ARNT2: variants seen among roughly 807,000 people sequenced by gnomAD.
The protein encoded by ARNT2 is ARNT protein 2.
A neutral mutation model predicts 91.7 loss-of-function variants in ARNT2; 36 were observed. The ratio of observed to expected loss-of-function variants is 0.39; its 90% CI spans 0.30 to 0.52. The LOEUF (loss-of-function observed/expected upper bound fraction) is 0.52. ARNT2 is among the 20% of genes least tolerant of loss of function. The pLI is 0.72. For synonymous variants in ARNT2, 365 were observed against 347.1 expected (o/e 1.05, Z -0.57); for missense variants, 775 against 939.3 (o/e 0.83, Z 2.29).
intron 17 of ARNT2, among the ~76,000 whole-genome samples, chr15:80,588,022 C>T (rs1280817020): frequency 3.9e-5 from 6 of 152,122 alleles, no homozygotes; most frequent in African/African-American, 1.4e-4. Context: ...GGAGGGAGAT[C>T]ACGCCAGTAG....
In ARNT2 at chr15:80,596,039, T is replaced by C. The variant is rs912401256; in HGVS notation, c.*2341T>C. 2 of 152,212 alleles carry C rather than the reference T, an allele frequency of 1.3e-5. No homozygotes were observed. The highest frequency in any genetic ancestry group is 2.4e-5 in the African/African-American group (1 of 41,440). The allele number at this position is 152,212 out of a possible 1,614,324, so 9.4% of individuals were successfully genotyped here. On this transcript the variant is annotated 3_prime_UTR_variant, in exon 19 of 19. Transcript: ENST00000303329. The stretch of plus-strand genomic sequence containing the variant: ...CTGTTTCTTGGAGGAGAGTTGAGGC[T>C]TTTCTTAGGTGCATACACAGACCCA...
At chr15:80,409,568 C>T (rs1351111958) in intron 1 of ARNT2, among the ~76,000 whole-genome samples, 1 of 151,644 alleles carries the variant, frequency 6.6e-6, no homozygotes, top group Non-Finnish European at 1.5e-5. Context: ...CTACTATGTG[C>T]CGGGGACTGA....
chr15:80,546,869 A>C (rs1366677336), intron 8 of ARNT2, among the ~76,000 whole-genome samples: 4 of 151,944 alleles, frequency 2.6e-5, no homozygotes, highest in Non-Finnish European at 4.4e-5. Flanking sequence ...AGGCTGAGGC[A>C]GGAGAATCGC....
rs59533738 is a variant in ARNT2 at position 80,444,355 on chromosome 15, GGTGTGTGT to G, written c.32-6505_32-6498del. 1,078 of 150,566 alleles carry G rather than the reference GGTGTGTGT, an allele frequency of 7.2e-3. 6 individuals are homozygous for G. Among genetic ancestry groups the G allele is most frequent in the Non-Finnish European group, 0.011 (743 of 67,178 alleles). 9.3% of individuals were successfully genotyped at this position (150,566 alleles called of 1,614,324 possible). Reference sequence around the variant, plus strand: ...CGGTGTGTGTGGTTTGTGTGTACGTGGTGTGTGTGTGTGTGTGTGTGTGTGTGGTGTGA... The same window carrying G: ...CGGTGTGTGTGGTTTGTGTGTACGTGGTGTGTGTGTGTGTGTGTGGTGTGA... On this transcript the variant is annotated intron_variant, in intron 1 of 18. Coordinates refer to ENST00000303329, the MANE Select transcript of ARNT2 (RefSeq NM_014862.4).
rs771956822 is a variant in ARNT2 at position 80,593,666 on chromosome 15, G to A, written c.2122G>A (p.Asp708Asn). 2.5e-5 allele frequency: 40 copies of A among 1,606,552 alleles called. No individual in the cohort carries two copies. Among genetic ancestry groups the A allele is most frequent in the Non-Finnish European group, 3.2e-5 (38 of 1,175,752 alleles). Reference protein sequence around the residue: ...TGNYNIEDFADLGMFPPFSE With the variant: ...TGNYNIEDFANLGMFPPFSE ...CAACTATAACATCGAAGACTTTGCC[G>A]ACCTGGGCATGTTTCCACCGTTTTC... Residue 708 changes from aspartate (D) to asparagine (N), a missense_variant, in exon 19 of 19, where the codon GAC (aspartate) becomes AAC (asparagine). Transcript: ENST00000303329.
At chr15:80,576,081 A>C (rs1898668409) in intron 14 of ARNT2, among the ~76,000 whole-genome samples, 1 of 152,138 alleles carries the variant, frequency 6.6e-6, no homozygotes, top group Non-Finnish European at 1.5e-5. Flanking sequence ...TGGGAAACTG[A>C]GGCAGGGGAT....
At position 80,562,863 on chromosome 15, in the gene ARNT2, G is replaced by A. The variant is rs148100687; in HGVS notation, c.1165-225G>A. 866 of 623,038 alleles carry A rather than the reference G, an allele frequency of 1.4e-3. 1 individual carries two copies. The highest frequency in any genetic ancestry group is 2.5e-3 in the Admixed American group (98 of 39,116). The allele number at this position is 623,038 out of a possible 1,614,324, so 38.6% of individuals were successfully genotyped here. A position where few individuals can be genotyped will look rare whatever the true frequency, so the allele number is the denominator to read the frequency against. ...CATTGAGTGGTTGCTTTCTCATACC[G>A]TGGTTACAGAATGACCCAGATGCAG... On this transcript the variant is annotated intron_variant, in intron 11 of 18. Transcript: ENST00000303329.
At chr15:80,446,547 G>A (rs1053762381) in intron 1 of ARNT2, among the ~76,000 whole-genome samples, 1 of 152,198 alleles carries the variant, frequency 6.6e-6, no homozygotes, top group African/African-American at 2.4e-5. Context: ...CTCCGCCTGG[G>A]CACCACAAGG....
In ARNT2 at chr15:80,597,100, C is replaced by G. The variant is rs1222151707; in HGVS notation, c.*3402C>G. On this transcript the variant is annotated 3_prime_UTR_variant, in exon 19 of 19. Coordinates refer to ENST00000303329, the MANE Select transcript of ARNT2 (RefSeq NM_014862.4). Reference sequence around the variant, plus strand: ...ACTTACACTGGGGAGCTTTACTCTTCCGTGTCAACAATGTGACTACATGTT... The same window carrying G: ...ACTTACACTGGGGAGCTTTACTCTTGCGTGTCAACAATGTGACTACATGTT... 3 of 516,658 alleles carry G rather than the reference C, an allele frequency of 5.8e-6. No individual in the cohort carries two copies. Among genetic ancestry groups the G allele is most frequent in the Non-Finnish European group, 1.2e-5 (3 of 258,388 alleles). The allele number at this position is 516,658 out of a possible 1,614,324, so 32.0% of individuals were successfully genotyped here.
At chr15:80,457,903 G>A (rs2141385392) in intron 2 of ARNT2, 26 bp from the exon 3 acceptor site, 1 of 1,613,530 alleles carries the variant, frequency 6.2e-7, no homozygotes, top group East Asian at 2.2e-5. Flanking sequence ...AATAATCAGT[G>A]CTCACTTGTG....
chr15:80,425,913 A>G (rs1245529349), intron 1 of ARNT2, among the ~76,000 whole-genome samples: 1 of 152,148 alleles, frequency 6.6e-6, no homozygotes, highest in Admixed American at 6.6e-5. Context: ...TTAGCTGGGC[A>G]TGGTGGTTCA....
At chr15:80,452,723 A>C (rs950678396) in intron 2 of ARNT2, among the ~76,000 whole-genome samples, 1 of 152,146 alleles carries the variant, frequency 6.6e-6, no homozygotes, top group Non-Finnish European at 1.5e-5. Flanking sequence ...GGCCCAGCCT[A>C]GTACTTACAG....
At chr15:80,520,662 C>T (rs545627094) in intron 8 of ARNT2, among the ~76,000 whole-genome samples, 18 of 152,092 alleles carry the variant, frequency 1.2e-4, no homozygotes, top group African/African-American at 4.1e-4. Flanking sequence ...GAGATGATAA[C>T]GTGAGTGTAT....
At position 80,597,219 on chromosome 15, in the gene ARNT2, C is replaced by A. The variant is rs902365883; in HGVS notation, c.*3521C>A. ...GGGAATGAATGGTGGTCTCCCCACT[C>A]CCGGCAGCACTTTAGGCAGCCCATA... On this transcript the variant is annotated 3_prime_UTR_variant, in exon 19 of 19. Coordinates refer to ENST00000303329, the MANE Select transcript of ARNT2 (RefSeq NM_014862.4). 1 of 518,376 alleles carries A rather than the reference C, an allele frequency of 1.9e-6. No homozygotes were observed. Among genetic ancestry groups the A allele is most frequent in the African/African-American group, 1.9e-5 (1 of 51,806 alleles). 32.1% of individuals were successfully genotyped at this position (518,376 alleles called of 1,614,324 possible).
At chr15:80,514,963 G>A (rs907967837) in intron 8 of ARNT2, among the ~76,000 whole-genome samples, 11 of 152,288 alleles carry the variant, frequency 7.2e-5, no homozygotes, top group Middle Eastern at 6.8e-3. Context: ...TTAGCAACTT[G>A]TTTCTAGGTT....
chr15:80,467,322 A>G (rs775810339), intron 3 of ARNT2, among the ~76,000 whole-genome samples: 2 of 152,190 alleles, frequency 1.3e-5, no homozygotes, highest in African/African-American at 2.4e-5. Flanking sequence ...TTTGACACAG[A>G]TGGAATTTTG....
chr15:80,473,534 A>C (rs942794770), intron 4 of ARNT2, among the ~76,000 whole-genome samples: 1 of 152,198 alleles, frequency 6.6e-6, no homozygotes, highest in Non-Finnish European at 1.5e-5. Flanking sequence ...TGGGAAGATC[A>C]TCCAAAAACT....
At chr15:80,541,553 C>A (rs550000765) in intron 8 of ARNT2, among the ~76,000 whole-genome samples, 7 of 152,200 alleles carry the variant, frequency 4.6e-5, no homozygotes, top group African/African-American at 1.7e-4. Flanking sequence ...GTCATAAATT[C>A]TTTCCCAAGG....
At chr15:80,574,245 C>A (rs1011138149) in intron 13 of ARNT2, 25 bp downstream of exon 13, 3 of 1,608,378 alleles carry the variant, frequency 1.9e-6, no homozygotes, top group African/African-American at 2.7e-5. Flanking sequence ...AACCCTTTCC[C>A]TGTTGGAATT....
Sources: allele counts gnomAD v4.1 joint callset (sites outside exome capture counted in the v4.1 genomes callset), GRCh38; gene constraint gnomAD v4.1.1; transcripts MANE v1.5; gene names NCBI Gene and HGNC (gene_info 2026-07-23, HGNC 2026-07-21).